Variants in LRCH2 observed in about 807,000 individuals in gnomAD.
The protein encoded by LRCH2 is leucine-rich repeat and calponin homology domain-containing protein 2.
Under a neutral mutation model 68.9 loss-of-function variants are expected in LRCH2, and 38 were observed. The ratio of observed to expected loss-of-function variants is 0.55; its 90% CI spans 0.43 to 0.72. The LOEUF (loss-of-function observed/expected upper bound fraction) is 0.72. Among genes scored for constraint, LRCH2 ranks in the 30% least tolerant of loss-of-function variants. LRCH2 has a pLI of 0.00. For missense variants in LRCH2, 528 were observed against 572.9 expected, an observed-to-expected ratio of 0.92 and a Z score of 0.80; for synonymous variants, 191 against 208.1, an observed-to-expected ratio of 0.92 and a Z score of 0.71.
chrX:115,190,250 C>T (rs993285671), intron 1 of LRCH2: 16 of 1,157,938 alleles, frequency 1.4e-5, no homozygotes, highest in Admixed American at 2.6e-5. Flanking sequence ...TCCAGTGTCC[C>T]GGACTACCGT....
intron 15 of LRCH2, among the ~76,000 whole-genome samples, chrX:115,129,402 C>T (rs1556529157): frequency 9.0e-6 from 1 of 111,588 alleles, no homozygotes; most frequent in Non-Finnish European, 1.9e-5. Flanking sequence ...GTAATTTAGG[C>T]TTAAATATAA....
At chrX:115,224,608 T>C (rs2073106596) in intron 1 of LRCH2, among the ~76,000 whole-genome samples, 1 of 104,744 alleles carries the variant, frequency 9.5e-6, no homozygotes, top group Non-Finnish European at 1.9e-5. Flanking sequence ...CACTTGAGCC[T>C]GGGAGGTTGA....
At position 115,191,138 on chromosome X, in the gene LRCH2, G is replaced by A. The variant is rs1252573704; in HGVS notation, c.350-2768C>T. 16 of 1,165,453 alleles carry A rather than the reference G, an allele frequency of 1.4e-5. No individual in the cohort carries two copies. The highest frequency in any genetic ancestry group is 1.9e-5 in the South Asian group (1 of 52,313). On this transcript the variant is annotated intron_variant, in intron 1 of 20. Coordinates refer to ENST00000317135, the MANE Select transcript of LRCH2 (RefSeq NM_020871.4). ...CGCTCGCATGACGCCCACAGTGGGG[G>A]CTGCTCTGCCGACGCCTACAGTGGG... is the stretch of plus-strand genomic sequence containing the variant.
chrX:115,131,413 T>C, intron 14 of LRCH2, among the ~76,000 whole-genome samples: 1 of 111,103 alleles, frequency 9.0e-6, no homozygotes, highest in Non-Finnish European at 1.9e-5. Context: ...GCTTCATCCA[T>C]GTCCCTACAA....
At chrX:115,124,141 T>A (rs1556526861) in intron 16 of LRCH2, 139 bp from the exon 17 acceptor site, 6 of 327,230 alleles carry the variant, frequency 1.8e-5, no homozygotes. Context: ...AAAAGTAACT[T>A]GCATTTCAAT....
In LRCH2 at chrX:115,170,386, T is replaced by C; in HGVS notation, c.911A>G (p.Gln304Arg). ...KVHIFKYLNI[Q>R]ACCRMDKKPD... ...TTTCTTATCCATTCTGCAACATGCT[T>C]GAATATTTAAGTACTTAAATATGTG... is the stretch of plus-strand genomic sequence containing the variant. Residue 304 changes from glutamine (Q) to arginine (R), a missense_variant, in exon 6 of 21, where the codon CAA becomes CGA. Transcript: ENST00000317135. 4.3e-6 allele frequency: 5 copies of C among 1,174,301 alleles called. No homozygotes were observed. Among genetic ancestry groups the C allele is most frequent in the Non-Finnish European group, 5.7e-6 (5 of 876,730 alleles).
intron 12 of LRCH2, among the ~76,000 whole-genome samples, chrX:115,152,023 G>C (rs1457926047): frequency 6.3e-5 from 7 of 111,300 alleles, no homozygotes; most frequent in Non-Finnish European, 9.4e-5. Context: ...ACTGATCATT[G>C]AACATGTATG....
At chrX:115,194,059 T>G (rs1217729628) in intron 1 of LRCH2, among the ~76,000 whole-genome samples, 3 of 110,797 alleles carry the variant, frequency 2.7e-5, no homozygotes, top group African/African-American at 9.9e-5. Flanking sequence ...TTCCAAGGGA[T>G]GAGGCCTATT....
intron 1 of LRCH2, chrX:115,192,573 C>G (rs2072852551): frequency 1.7e-6 from 2 of 1,170,817 alleles, no homozygotes; most frequent in Non-Finnish European, 2.3e-6. Context: ...GCCGGTCAGG[C>G]TGCAGGGTGC....
intron 5 of LRCH2, among the ~76,000 whole-genome samples, chrX:115,172,447 G>A (rs2072611481): frequency 8.9e-6 from 1 of 111,981 alleles, no homozygotes; most frequent in South Asian, 3.7e-4. Flanking sequence ...TTTCAACAGT[G>A]TCTAGAACAC....
intron 1 of LRCH2, among the ~76,000 whole-genome samples, chrX:115,221,210 A>AATATATATAT (rs1204700596): frequency 2.3e-5 from 1 of 42,723 alleles, no homozygotes; most frequent in African/African-American, 1.2e-4. Context: ...AAAAAAAAAA[A>AATATATATAT]ATATATATAT....
chrX:115,148,435 G>A (rs1213452022), intron 14 of LRCH2, among the ~76,000 whole-genome samples: 1 of 111,558 alleles, frequency 9.0e-6, no homozygotes, highest in Non-Finnish European at 1.9e-5. Flanking sequence ...AACTGGTTTT[G>A]TTATACTACG....
rs782307661 is a variant in LRCH2, at chrX:115,191,966, G to A, written c.350-3596C>T. 56 of 1,160,091 alleles carry A rather than the reference G, an allele frequency of 4.8e-5. No individual in the cohort carries two copies. In the Admixed American group the frequency reaches 1.2e-3, roughly 24 times the overall value. On this transcript the variant is annotated intron_variant, in intron 1 of 20. Transcript: ENST00000317135. ...TCACCCAACGCCTACAGTGGGGGCC[G>A]TGACAGTTCCAGCAACAGTTACGAC... is the stretch of plus-strand genomic sequence containing the variant.
rs368956926 is a variant in LRCH2, at chrX:115,191,924, C to T, written c.350-3554G>A. On this transcript the variant is annotated intron_variant, in intron 1 of 20. Transcript: ENST00000317135. ...GAGAACCGAGGTCACTCTCTCGATG[C>T]CAACAGCGGAGGCCACTCACCCAAC... The T allele has an allele frequency of 2.3e-5, 27 of 1,164,871 alleles. No individual in the cohort carries two copies. In the African/African-American group the frequency reaches 4.2e-4, roughly 18 times the overall value.
chrX:115,228,508 C>T (rs1307074085), intron 1 of LRCH2, among the ~76,000 whole-genome samples: 1 of 111,136 alleles, frequency 9.0e-6, no homozygotes, highest in East Asian at 2.8e-4. Flanking sequence ...CAAAGTTTCA[C>T]TGTGTGCCTA....
intron 14 of LRCH2, among the ~76,000 whole-genome samples, chrX:115,139,311 T>C (rs1206889753): frequency 8.9e-6 from 1 of 112,155 alleles, no homozygotes; most frequent in Non-Finnish European, 1.9e-5. Context: ...TGTACTATAT[T>C]TATGAAATCA....
intron 5 of LRCH2, among the ~76,000 whole-genome samples, chrX:115,173,501 C>T (rs925804274): frequency 6.3e-5 from 7 of 111,927 alleles, no homozygotes; most frequent in Admixed American, 4.7e-4. Flanking sequence ...TTTGTACCTA[C>T]TTTAAACTAT....
Position 115,138,645 on chromosome X carries a change from T to G in LRCH2, c.1696-8446A>C, listed in dbSNP as rs186611002. 1.3e-4 allele frequency among the ~76,000 whole-genome samples: 14 copies of G among 111,623 alleles called. No homozygotes were observed. The East Asian group carries it at 4.0e-3, about 32-fold the overall frequency. On this transcript the variant is annotated intron_variant, in intron 14 of 20. Coordinates refer to ENST00000317135, the MANE Select transcript of LRCH2 (RefSeq NM_020871.4). The stretch of plus-strand genomic sequence containing the variant: ...TAGAAGAATAAGAGGATAACTGAAA[T>G]GCAAAGAAATACAAGATGATATACT...
In LRCH2 at chrX:115,223,745, G is replaced by A. The variant is rs1292190276; in HGVS notation, c.349+9948C>T. Among the ~76,000 whole-genome samples, 6 of 103,930 alleles carry A rather than the reference G, an allele frequency of 5.8e-5. No individual in the cohort carries two copies. In the East Asian group the frequency reaches 1.2e-3, roughly 21 times the overall value. 90.3% of individuals were successfully genotyped at this position (103,930 alleles called of 115,157 possible). On this transcript the variant is annotated intron_variant, in intron 1 of 20. Transcript: ENST00000317135. ...AGCCTGGCCAACATGGTGAAACCCC[G>A]TCTCTACTGGAAAAAAAAAAAAATA... is the stretch of plus-strand genomic sequence containing the variant.
Sources: allele counts gnomAD v4.1 joint callset (sites outside exome capture counted in the v4.1 genomes callset), GRCh38; gene constraint gnomAD v4.1.1; transcripts MANE v1.5; gene names NCBI Gene and HGNC (gene_info 2026-07-23, HGNC 2026-07-21).